Variants in BCAT1 observed in about 807,000 individuals in gnomAD.
BCAT1 encodes the protein branched chain amino acid transaminase 1.
BCAT1 carries 48 observed loss-of-function variants against 52.4 expected under a neutral mutation model. That is an observed-to-expected ratio of 0.92 (90% CI 0.73 to 1.16). The LOEUF (loss-of-function observed/expected upper bound fraction) is 1.16, where lower values mean the gene tolerates loss of function less well. BCAT1 is among the 50% of genes most tolerant of loss of function. BCAT1 has a pLI of 0.00. For missense variants in BCAT1, 451 were observed against 457.1 expected, an observed-to-expected ratio of 0.99 and a Z score of 0.12; for synonymous variants, 167 against 161.3, an observed-to-expected ratio of 1.04 and a Z score of -0.27.
At chr12:24,844,435 A>AAAT (rs1941270870) in intron 6 of BCAT1, among the ~76,000 whole-genome samples, 1 of 149,786 alleles carries the variant, frequency 6.7e-6, no homozygotes, top group African/African-American at 2.6e-5. Context: ...CCGTCTCAAA[A>AAAT]AAATAAATAA....
At chr12:24,925,216 G>A (rs945586164) in intron 1 of BCAT1, among the ~76,000 whole-genome samples, 10 of 152,168 alleles carry the variant, frequency 6.6e-5, no homozygotes, top group South Asian at 2.1e-4. Flanking sequence ...CAAAAAAGAC[G>A]GAGGTTTCCT....
At chr12:24,828,568 A>C (rs1940506957) in intron 10 of BCAT1, among the ~76,000 whole-genome samples, 1 of 152,246 alleles carries the variant, frequency 6.6e-6, no homozygotes, top group Non-Finnish European at 1.5e-5. Flanking sequence ...GTACATCAAT[A>C]TAATGGAATT....
At chr12:24,935,553 T>C (rs1405088509) in intron 1 of BCAT1, among the ~76,000 whole-genome samples, 4 of 152,182 alleles carry the variant, frequency 2.6e-5, no homozygotes, top group Non-Finnish European at 5.9e-5. Flanking sequence ...AGAGCACACT[T>C]TCCTGACAAT....
Position 24,948,948 on chromosome 12 carries a change from G to T in BCAT1, c.-16C>A. 2 of 1,594,042 alleles carry T rather than the reference G, an allele frequency of 1.3e-6. No homozygotes were observed. The highest frequency in any genetic ancestry group is 1.7e-6 in the Non-Finnish European group (2 of 1,170,186). ...TTACCTTCATTGTTCCGTCGGCCAC[G>T]AGGGAAGCTCGAGCTGAGCGGAGGG... On this transcript the variant is annotated 5_prime_UTR_variant, in exon 1 of 11. Coordinates refer to ENST00000261192, the MANE Select transcript of BCAT1 (RefSeq NM_005504.7).
intron 5 of BCAT1, among the ~76,000 whole-genome samples, chr12:24,861,141 T>C (rs1233551796): frequency 6.6e-6 from 1 of 152,232 alleles, no homozygotes; most frequent in Non-Finnish European, 1.5e-5. Flanking sequence ...GTCCCATTCA[T>C]TGTTTCGAGT....
At chr12:24,915,007 T>C (rs1943386588) in intron 1 of BCAT1, among the ~76,000 whole-genome samples, 1 of 152,198 alleles carries the variant, frequency 6.6e-6, no homozygotes, top group Non-Finnish European at 1.5e-5. Context: ...ATCCCAACTT[T>C]TACCCACAAA....
intron 3 of BCAT1, among the ~76,000 whole-genome samples, chr12:24,893,502 G>T (rs1258112272): frequency 1.3e-5 from 2 of 152,060 alleles, no homozygotes; most frequent in Non-Finnish European, 2.9e-5. Context: ...TCTCACTTAA[G>T]GTAATTAAAT....
At chr12:24,907,501 G>C (rs1053437602) in intron 1 of BCAT1, among the ~76,000 whole-genome samples, 4 of 152,168 alleles carry the variant, frequency 2.6e-5, no homozygotes, top group Non-Finnish European at 5.9e-5. Flanking sequence ...GAAAATAGCA[G>C]GTTCCTGCCT....
At chr12:24,895,539 A>AG (rs1942941278) in intron 2 of BCAT1, among the ~76,000 whole-genome samples, 1 of 151,764 alleles carries the variant, frequency 6.6e-6, no homozygotes, top group African/African-American at 2.4e-5. Flanking sequence ...AAAAAAAAAA[A>AG]GAAAAGAAAA....
intron 1 of BCAT1, among the ~76,000 whole-genome samples, chr12:24,910,271 G>T (rs1943298121): frequency 6.6e-6 from 1 of 152,010 alleles, no homozygotes; most frequent in Non-Finnish European, 1.5e-5. Context: ...CAGCTCTACG[G>T]GAGGCTGAGG....
intron 1 of BCAT1, chr12:24,903,285 G>A: frequency 2.4e-6 from 1 of 413,342 alleles, no homozygotes; most frequent in Non-Finnish European, 4.0e-6. Flanking sequence ...CCACGAACGA[G>A]CGCCTTTCCA....
rs1939878369 is a variant in BCAT1, at chr12:24,816,437, A to G, written c.*1571T>C. 1 of 397,742 alleles carries G rather than the reference A, an allele frequency of 2.5e-6. No individual in the cohort carries two copies. The highest frequency in any genetic ancestry group is 3.6e-5 in the East Asian group (1 of 28,050). The allele number at this position is 397,742 out of a possible 1,614,324, so 24.6% of individuals were successfully genotyped here. The stretch of plus-strand genomic sequence containing the variant: ...TTTCCTTAGATAAACCACAAAGGAT[A>G]CAATTTTAACTCACAGCTCCTAAAC... On this transcript the variant is annotated 3_prime_UTR_variant, in exon 11 of 11. Coordinates refer to ENST00000261192, the MANE Select transcript of BCAT1 (RefSeq NM_005504.7).
intron 1 of BCAT1, chr12:24,903,070 C>T (rs1299830823): frequency 7.2e-7 from 1 of 1,389,150 alleles, no homozygotes; most frequent in Admixed American, 3.4e-5. Flanking sequence ...GGCGGTGTGG[C>T]CAAGCCCCGG....
chr12:24,934,855 G>T (rs1238622768), intron 1 of BCAT1, among the ~76,000 whole-genome samples: 3 of 152,096 alleles, frequency 2.0e-5, no homozygotes, highest in East Asian at 1.9e-4. Flanking sequence ...TTCCTCCTTG[G>T]CTATCAGTTG....
chr12:24,900,675 T>A (rs1054622693), intron 2 of BCAT1, among the ~76,000 whole-genome samples: 3 of 152,216 alleles, frequency 2.0e-5, no homozygotes, highest in Non-Finnish European at 4.4e-5. Flanking sequence ...GCTTGGTGGC[T>A]CACGCCTGCA....
chr12:24,826,298 T>C (rs971815601), intron 10 of BCAT1, among the ~76,000 whole-genome samples: 8 of 152,238 alleles, frequency 5.3e-5, no homozygotes, highest in African/African-American at 1.9e-4. Context: ...TAATATACTT[T>C]CATTTGATTT....
chr12:24,862,775 G>A (rs1324787110), intron 5 of BCAT1, among the ~76,000 whole-genome samples: 1 of 151,756 alleles, frequency 6.6e-6, no homozygotes. Context: ...ATTTAGGACT[G>A]CCAGAACTAG....
chr12:24,859,987 CTT>C (rs1941808992), intron 5 of BCAT1, among the ~76,000 whole-genome samples: 1 of 152,140 alleles, frequency 6.6e-6, no homozygotes, highest in Non-Finnish European at 1.5e-5. Context: ...TCTGATATGA[CTT>C]AGTTTATGTT....
intron 1 of BCAT1, among the ~76,000 whole-genome samples, chr12:24,932,589 T>G (rs1452714347): frequency 6.6e-6 from 1 of 152,246 alleles, no homozygotes; most frequent in East Asian, 1.9e-4. Flanking sequence ...CTTACAGTAC[T>G]TACATAGTAC....
Sources: gnomAD v4.1 joint callset for allele counts (sites outside exome capture counted in the v4.1 genomes callset) on GRCh38, gnomAD v4.1.1 for gene constraint, MANE v1.5 for transcripts, NCBI Gene and HGNC (gene_info 2026-07-23, HGNC 2026-07-21) for gene names.